PCED1B: variants seen among roughly 807,000 people sequenced by gnomAD.
The protein encoded by PCED1B is PC-esterase domain-containing protein 1B.
For missense variants in PCED1B, 573 were observed against 573.9 expected, an observed-to-expected ratio of 1.00 and a Z score of 0.02; for synonymous variants, 251 against 246.1, an observed-to-expected ratio of 1.02 and a Z score of -0.19.
chr12:47,214,859 G>A (rs961611540), intron 2 of PCED1B, among the ~76,000 whole-genome samples: 3 of 152,030 alleles, frequency 2.0e-5, no homozygotes, highest in Non-Finnish European at 2.9e-5. Context: ...TAATCAGCTC[G>A]AAATATGCCA....
intron 2 of PCED1B, among the ~76,000 whole-genome samples, chr12:47,114,938 T>C (rs1939352154): frequency 6.6e-6 from 1 of 152,224 alleles, no homozygotes; most frequent in Non-Finnish European, 1.5e-5. Context: ...AGTTGGACTA[T>C]ATGCAAATTA....
intron 2 of PCED1B, among the ~76,000 whole-genome samples, chr12:47,109,241 T>C (rs567472834): frequency 2.6e-5 from 4 of 152,352 alleles, no homozygotes; most frequent in Non-Finnish European, 4.4e-5. Flanking sequence ...GCCAGTCTTC[T>C]TGCAACTTTC....
intron 2 of PCED1B, among the ~76,000 whole-genome samples, chr12:47,201,782 A>G (rs1043209527): frequency 3.3e-5 from 5 of 152,040 alleles, no homozygotes; most frequent in African/African-American, 1.2e-4. Flanking sequence ...GTATTTTTGT[A>G]GAGATGGGGG....
intron 3 of PCED1B, among the ~76,000 whole-genome samples, chr12:47,224,268 A>G (rs1943569619): frequency 6.6e-6 from 1 of 152,226 alleles, no homozygotes; most frequent in Non-Finnish European, 1.5e-5. Context: ...CCATAGTTTT[A>G]TCTTTGGTTT....
At chr12:47,152,672 TATA>T (rs1238536112) in intron 2 of PCED1B, among the ~76,000 whole-genome samples, 1 of 152,248 alleles carries the variant, frequency 6.6e-6, no homozygotes, top group East Asian at 1.9e-4. Flanking sequence ...GGCTCAGGCC[TATA>T]ATCCCAGCAC....
At chr12:47,168,351 C>A (rs11183766) in intron 2 of PCED1B, among the ~76,000 whole-genome samples, 1 of 151,976 alleles carries the variant, frequency 6.6e-6, no homozygotes, top group South Asian at 2.1e-4. Context: ...GAAATGTTGC[C>A]GTTGAATCTA....
intron 2 of PCED1B, among the ~76,000 whole-genome samples, chr12:47,111,905 T>C (rs75894248): frequency 6.6e-6 from 1 of 152,206 alleles, no homozygotes; most frequent in Non-Finnish European, 1.5e-5. Flanking sequence ...TTCAGTATCA[T>C]TCATGGATTA....
chr12:47,212,308 G>T (rs1943117504), intron 2 of PCED1B, among the ~76,000 whole-genome samples: 1 of 151,982 alleles, frequency 6.6e-6, no homozygotes, highest in African/African-American at 2.4e-5. Context: ...AAGGAGAGAG[G>T]ACCGGAATTG....
chr12:47,119,851 G>A (rs866282908), intron 2 of PCED1B, among the ~76,000 whole-genome samples: 24 of 152,010 alleles, frequency 1.6e-4, no homozygotes, highest in African/African-American at 5.3e-4. Flanking sequence ...TGTAATCCCA[G>A]CTACTTGGGG....
chr12:47,191,996 T>C (rs1425975421), intron 2 of PCED1B, among the ~76,000 whole-genome samples: 1 of 152,160 alleles, frequency 6.6e-6, no homozygotes, highest in African/African-American at 2.4e-5. Context: ...TACATCCTCA[T>C]TAACTCCAAC....
chr12:47,205,361 C>T (rs1411876234), intron 2 of PCED1B, among the ~76,000 whole-genome samples: 1 of 152,120 alleles, frequency 6.6e-6, no homozygotes, highest in Non-Finnish European at 1.5e-5. Context: ...TCCCCAGGAG[C>T]AATTTGGAAA....
chr12:47,138,571 A>T (rs985100567), intron 2 of PCED1B, among the ~76,000 whole-genome samples: 2 of 152,198 alleles, frequency 1.3e-5, no homozygotes, highest in Non-Finnish European at 2.9e-5. Context: ...TGGCTCTCAG[A>T]TTAGCTCTAT....
chr12:47,156,712 C>A (rs1941204301), intron 2 of PCED1B, among the ~76,000 whole-genome samples: 1 of 152,118 alleles, frequency 6.6e-6, no homozygotes, highest in Non-Finnish European at 1.5e-5. Flanking sequence ...GACACACATT[C>A]TGAGTGCTCC....
chr12:47,212,024 G>A (rs542292567), intron 2 of PCED1B, among the ~76,000 whole-genome samples: 2 of 147,574 alleles, frequency 1.4e-5, no homozygotes, highest in Admixed American at 1.4e-4. Flanking sequence ...GCAGTGAGCC[G>A]AGATCGTGCC....
chr12:47,087,036 A>G (rs1335273765), intron 1 of PCED1B, among the ~76,000 whole-genome samples: 2 of 152,256 alleles, frequency 1.3e-5, no homozygotes, highest in Admixed American at 6.5e-5. Flanking sequence ...TCCATTATAC[A>G]GTCAGCACTA....
intron 2 of PCED1B, among the ~76,000 whole-genome samples, chr12:47,168,468 G>T (rs1941616448): frequency 6.6e-6 from 1 of 151,634 alleles, no homozygotes; most frequent in Non-Finnish European, 1.5e-5. Context: ...TTCCTTTTTA[G>T]GTCTATTTAT....
Position 47,128,747 on chromosome 12 carries a change from T to G in PCED1B, c.-526+24552T>G, listed in dbSNP as rs1444680550. Among the ~76,000 whole-genome samples the G allele has an allele frequency of 2.0e-5, 3 of 152,306 alleles. No homozygotes were observed. In the East Asian group the frequency reaches 5.8e-4, roughly 29 times the overall value. On this transcript the variant is annotated intron_variant, in intron 2 of 3. Transcript: ENST00000546455. ...GTCATGCATTTGAGATTCCTAGTCT[T>G]GAGATACAGACAAATCTGATGTTCA...
chr12:47,196,990 G>A (rs113826949), intron 2 of PCED1B, among the ~76,000 whole-genome samples: 2 of 151,268 alleles, frequency 1.3e-5, no homozygotes, highest in Admixed American at 1.3e-4. Context: ...TAGAAAAGTA[G>A]GCAAAGTACA....
chr12:47,236,456 A>C lies in PCED1B; in HGVS notation c.*94A>C, dbSNP rs1943991545. On this transcript the variant is annotated 3_prime_UTR_variant, in exon 4 of 4. Coordinates refer to ENST00000546455, the MANE Select transcript of PCED1B (RefSeq NM_138371.3). ...TTGGCCTGAACAGACTGACCTTGTT[A>C]ACTTAAGCCTGGAGTCCATGCCTCG... The C allele has an allele frequency of 2.3e-6, 3 of 1,283,276 alleles. No homozygotes were observed. In the Admixed American group the frequency reaches 9.0e-5, roughly 39 times the overall value. The allele number at this position is 1,283,276 out of a possible 1,614,324, so 79.5% of individuals were successfully genotyped here.
Sources: gnomAD v4.1 joint callset for allele counts (sites outside exome capture counted in the v4.1 genomes callset) on GRCh38, gnomAD v4.1.1 for gene constraint, MANE v1.5 for transcripts, NCBI Gene and HGNC (gene_info 2026-07-23, HGNC 2026-07-21) for gene names.